The following RCOR1 variants were observed in gnomAD, a reference collection of about 807,000 sequenced individuals.
The protein encoded by RCOR1 is REST corepressor 1, also known as REST corepressor.
A neutral mutation model predicts 64.0 loss-of-function variants in RCOR1; 12 were observed. The observed-to-expected ratio is 0.19, with a 90% confidence interval of 0.12 to 0.30. The LOEUF (loss-of-function observed/expected upper bound fraction) is 0.30. Among genes scored for constraint, RCOR1 ranks in the 10% least tolerant of loss-of-function variants. The probability of loss-of-function intolerance (pLI) is 1.00; values close to 1 mark genes in which losing one functional copy is unlikely to be tolerated. For missense variants in RCOR1, 502 were observed against 621.2 expected (o/e 0.81, Z 2.04); for synonymous variants, 279 against 227.2 (o/e 1.23, Z -2.05).
At chr14:102,667,393 C>A (rs536137590) in intron 2 of RCOR1, among the ~76,000 whole-genome samples, 3 of 151,660 alleles carry the variant, frequency 2.0e-5, no homozygotes, top group African/African-American at 4.8e-5. Context: ...CCCAGCTGCT[C>A]GGGAGGCTGA....
chr14:102,620,707 ACT>A (rs898707629), intron 2 of RCOR1, among the ~76,000 whole-genome samples: 1 of 151,948 alleles, frequency 6.6e-6, no homozygotes, highest in Non-Finnish European at 1.5e-5. Context: ...GGCCACAGAG[ACT>A]CTGTTTCTAA....
At position 102,629,223 on chromosome 14, in the gene RCOR1, G is replaced by A. The variant is rs956244312; in HGVS notation, c.361+35898G>A. 7.2e-5 allele frequency among the ~76,000 whole-genome samples: 11 copies of A among 152,164 alleles called. 1 individual carries two copies. The highest frequency in any genetic ancestry group is 4.1e-4 in the South Asian group (2 of 4,836). ...ATTCTTGCCACGTGTACTGAAATGT[G>A]ACATTCTCATGAGGGTTTTCCTCAT... On this transcript the variant is annotated intron_variant, in intron 2 of 11. Coordinates refer to ENST00000262241, the MANE Select transcript of RCOR1 (RefSeq NM_015156.4).
At position 102,729,986 on chromosome 14, in the gene RCOR1, GCT is replaced by G. The variant is rs1194878775; in HGVS notation, c.*3483_*3484del. On this transcript the variant is annotated 3_prime_UTR_variant, in exon 12 of 12. Transcript: ENST00000262241. The stretch of plus-strand genomic sequence containing the variant: ...CCTAAACCTAGTGGTCCTGTGCGAT[GCT>G]CTTTCTGCCAGTCCCTGAATCTCTG... 4.3e-5 allele frequency: 17 copies of G among 398,958 alleles called. No individual in the cohort carries two copies. The highest frequency in any genetic ancestry group is 3.5e-4 in the African/African-American group (17 of 48,638). The allele number at this position is 398,958 out of a possible 1,614,324, so 24.7% of individuals were successfully genotyped here. A position where few individuals can be genotyped will look rare whatever the true frequency, so the allele number is the denominator to read the frequency against.
chr14:102,623,215 C>T lies in RCOR1; in HGVS notation c.361+29890C>T, dbSNP rs115344457. Among the ~76,000 whole-genome samples the T allele has an allele frequency of 2.6e-3, 396 of 152,034 alleles. 2 individuals carry two copies. The highest frequency in any genetic ancestry group is 8.7e-3 in the African/African-American group (362 of 41,502). ...AACTCAGAGATTTCTATTTGACCCACCTGTTCTGTGTGGGTTTGTTTTGTT... is the reference window on the plus strand; with the variant it reads ...AACTCAGAGATTTCTATTTGACCCATCTGTTCTGTGTGGGTTTGTTTTGTT... On this transcript the variant is annotated intron_variant, in intron 2 of 11. Coordinates refer to ENST00000262241, the MANE Select transcript of RCOR1 (RefSeq NM_015156.4).
At chr14:102,625,206 C>T (rs1257972846) in intron 2 of RCOR1, among the ~76,000 whole-genome samples, 2 of 141,660 alleles carry the variant, frequency 1.4e-5, no homozygotes, top group African/African-American at 2.6e-5. Flanking sequence ...AGCAGTCTCT[C>T]TTGCATTCCA....
chr14:102,605,049 CAGAG>C (rs1208620832), intron 2 of RCOR1, among the ~76,000 whole-genome samples: 20 of 112,548 alleles, frequency 1.8e-4, no homozygotes, highest in Non-Finnish European at 2.8e-4. Flanking sequence ...GCCTGGGTGA[CAGAG>C]CAATATTCCA....
At chr14:102,707,003 A>G (rs1895872194) in intron 4 of RCOR1, among the ~76,000 whole-genome samples, 1 of 152,100 alleles carries the variant, frequency 6.6e-6, no homozygotes, top group Non-Finnish European at 1.5e-5. Context: ...TATCATTTCC[A>G]AGAAAAATAT....
intron 2 of RCOR1, among the ~76,000 whole-genome samples, chr14:102,611,333 T>G (rs981234852): frequency 1.3e-5 from 2 of 152,078 alleles, no homozygotes; most frequent in Non-Finnish European, 2.9e-5. Context: ...CCTCCCAAAG[T>G]GTAGGGATTA....
chr14:102,619,308 T>TG (rs1473060240), intron 2 of RCOR1, among the ~76,000 whole-genome samples: 1 of 152,058 alleles, frequency 6.6e-6, no homozygotes, highest in Non-Finnish European at 1.5e-5. Flanking sequence ...TTAGTAGAGT[T>TG]GGGGTTTCAC....
chr14:102,699,059 G>T (rs998245926), intron 3 of RCOR1, among the ~76,000 whole-genome samples: 2 of 152,082 alleles, frequency 1.3e-5, no homozygotes, highest in Non-Finnish European at 2.9e-5. Flanking sequence ...GCTAATTTTT[G>T]TATTTTTAGT....
At chr14:102,648,183 A>C (rs528142858) in intron 2 of RCOR1, among the ~76,000 whole-genome samples, 1 of 151,200 alleles carries the variant, frequency 6.6e-6, no homozygotes, top group African/African-American at 2.4e-5. Context: ...GGTTCAGACA[A>C]TTCTCCTGCC....
intron 2 of RCOR1, among the ~76,000 whole-genome samples, chr14:102,675,861 G>A (rs557450870): frequency 6.6e-6 from 1 of 152,240 alleles, no homozygotes; most frequent in Non-Finnish European, 1.5e-5. Context: ...AGTGTCGTAT[G>A]AATGAACTTG....
intron 2 of RCOR1, among the ~76,000 whole-genome samples, chr14:102,608,386 CT>C (rs1893559709): frequency 1.3e-5 from 2 of 152,098 alleles, no homozygotes; most frequent in African/African-American, 4.8e-5. Flanking sequence ...AGTATTGGTA[CT>C]TTCTGTGCTT....
Position 102,593,195 on chromosome 14 carries a change from G to A in RCOR1, c.301+8G>A. On this transcript the variant is annotated splice_region_variant and intron_variant, in intron 1 of 11. Transcript: ENST00000262241. ...CCAGCGACGAGGAGCACGGTAGGTG[G>A]CAGCCGCCCCCGCGGCCCCGGGCCC... The A allele has an allele frequency of 6.7e-7, 1 of 1,487,078 alleles. No individual in the cohort carries two copies. Among genetic ancestry groups the A allele is most frequent in the Non-Finnish European group, 8.9e-7 (1 of 1,124,188 alleles). 92.1% of individuals were successfully genotyped at this position (1,487,078 alleles called of 1,614,324 possible).
At chr14:102,609,813 G>T (rs1337403825) in intron 2 of RCOR1, among the ~76,000 whole-genome samples, 1 of 151,936 alleles carries the variant, frequency 6.6e-6, no homozygotes, top group Non-Finnish European at 1.5e-5. Flanking sequence ...GTGGAGGGTT[G>T]GGAGTTGAAG....
intron 6 of RCOR1, 163 bp from the exon 7 acceptor site, chr14:102,710,771 TG>T: frequency 1.7e-6 from 1 of 602,196 alleles, no homozygotes; most frequent in Non-Finnish European, 2.9e-6. Flanking sequence ...ATTACAAAGA[TG>T]TTTTTATCTC....
rs990871024 is a variant in RCOR1 at position 102,672,334 on chromosome 14, C to T, written c.362-9561C>T. Among the ~76,000 whole-genome samples the T allele has an allele frequency of 6.6e-5, 10 of 152,072 alleles. No homozygotes were observed. In the East Asian group the frequency reaches 1.4e-3, roughly 21 times the overall value. On this transcript the variant is annotated intron_variant, in intron 2 of 11. Coordinates refer to ENST00000262241, the MANE Select transcript of RCOR1 (RefSeq NM_015156.4). ...ACGCCATTTTCCTGCCTTAGCCTCCCGAGTAGCTGGGACTACAGGCGCCCG... is the reference window on the plus strand; with the variant it reads ...ACGCCATTTTCCTGCCTTAGCCTCCTGAGTAGCTGGGACTACAGGCGCCCG...
chr14:102,699,304 G>C (rs891548933), intron 3 of RCOR1, among the ~76,000 whole-genome samples: 1 of 152,172 alleles, frequency 6.6e-6, no homozygotes, highest in Non-Finnish European at 1.5e-5. Flanking sequence ...GAAGTAACCA[G>C]TTTGTAACTA....
At chr14:102,707,268 T>A in intron 4 of RCOR1, 83 bp from the exon 5 acceptor site, 1 of 1,235,284 alleles carries the variant, frequency 8.1e-7, no homozygotes, top group Non-Finnish European at 1.1e-6. Context: ...TATGAAGTCG[T>A]TTTTACTTTT....
Sources: allele counts gnomAD v4.1 joint callset (sites outside exome capture counted in the v4.1 genomes callset), GRCh38; gene constraint gnomAD v4.1.1; transcripts MANE v1.5; gene names NCBI Gene and HGNC (gene_info 2026-07-23, HGNC 2026-07-21).